JAZF1: variants seen among roughly 807,000 people sequenced by gnomAD.
The protein encoded by JAZF1 is juxtaposed with another zinc finger protein 1.
A neutral mutation model predicts 26.4 loss-of-function variants in JAZF1; 8 were observed. That is an observed-to-expected ratio of 0.30 (90% confidence interval 0.18 to 0.55). The LOEUF is 0.55. Ranked by LOEUF, JAZF1 falls within the 20% of genes least tolerant of loss-of-function variation. The pLI is 0.94. For synonymous variants in JAZF1, 126 were observed against 122.3 expected, an observed-to-expected ratio of 1.03 and a Z score of -0.20; for missense variants, 199 against 322.0, an observed-to-expected ratio of 0.62 and a Z score of 2.92.
chr7:28,106,458 C>T lies in JAZF1; in HGVS notation c.115+74005G>A, dbSNP rs113958755. ...GAACTCAAGTGTTACAAGACAACAG[C>T]GAGTTCTAGGGAGACACAGGATCTG... On this transcript the variant is annotated intron_variant, in intron 1 of 4. Coordinates refer to ENST00000283928, the MANE Select transcript of JAZF1 (RefSeq NM_175061.4). Among the ~76,000 whole-genome samples, 42 of 152,238 alleles carry T rather than the reference C, an allele frequency of 2.8e-4. 1 individual carries two copies. The highest frequency in any genetic ancestry group is 9.6e-4 in the African/African-American group (40 of 41,544).
Position 27,832,321 on chromosome 7 carries a change from TACTA to T in JAZF1, c.*475_*478del, listed in dbSNP as rs780761782. 9.3e-5 allele frequency: 20 copies of T among 215,536 alleles called. No individual in the cohort carries two copies. Among genetic ancestry groups the T allele is most frequent in the Admixed American group, 8.8e-4 (15 of 17,118 alleles). 13.4% of individuals were successfully genotyped at this position (215,536 alleles called of 1,614,324 possible). A position where few individuals can be genotyped will look rare whatever the true frequency, so the allele number is the denominator to read the frequency against. ...TACCTAAAGTCTTTCTACTCACAAA[TACTA>T]ACTCCATTATGTAAGGCATGGTAAC... On this transcript the variant is annotated 3_prime_UTR_variant, in exon 5 of 5. Transcript: ENST00000283928.
At chr7:27,961,524 A>C (rs933555280) in intron 2 of JAZF1, among the ~76,000 whole-genome samples, 5 of 152,196 alleles carry the variant, frequency 3.3e-5, no homozygotes, top group African/African-American at 1.2e-4. Context: ...TTGTCACCAC[A>C]CATATGCCCA....
At chr7:28,091,188 A>T (rs920136902) in intron 1 of JAZF1, among the ~76,000 whole-genome samples, 4 of 152,044 alleles carry the variant, frequency 2.6e-5, no homozygotes, top group Non-Finnish European at 5.9e-5. Flanking sequence ...TAATTATATC[A>T]GGGGAAATAA....
intron 1 of JAZF1, among the ~76,000 whole-genome samples, chr7:28,019,683 T>C (rs187025005): frequency 6.6e-6 from 1 of 152,282 alleles, no homozygotes; most frequent in East Asian, 1.9e-4. Context: ...TAGGTCTCTG[T>C]ATTATTCACA....
At chr7:27,996,111 T>C (rs1786010264) in intron 1 of JAZF1, among the ~76,000 whole-genome samples, 1 of 152,188 alleles carries the variant, frequency 6.6e-6, no homozygotes, top group African/African-American at 2.4e-5. Flanking sequence ...TCTTGTCAAG[T>C]CTAAACGAAA....
intron 2 of JAZF1, among the ~76,000 whole-genome samples, chr7:27,949,281 T>C (rs1055774209): frequency 6.6e-6 from 1 of 152,234 alleles, no homozygotes; most frequent in African/African-American, 2.4e-5. Flanking sequence ...CTGATCATGC[T>C]GTTCCTTGGG....
At chr7:27,837,359 C>T (rs539249128) in intron 4 of JAZF1, among the ~76,000 whole-genome samples, 72 of 152,310 alleles carry the variant, frequency 4.7e-4, no homozygotes, top group Middle Eastern at 6.8e-3. Flanking sequence ...TGGCCTGGAA[C>T]GCCTCTGGGA....
intron 1 of JAZF1, among the ~76,000 whole-genome samples, chr7:28,003,096 T>C (rs934322412): frequency 6.6e-6 from 1 of 152,130 alleles, no homozygotes; most frequent in African/African-American, 2.4e-5. Context: ...GGTTTTTCAA[T>C]TACATGAAGT....
chr7:28,092,722 T>C (rs1583556048), intron 1 of JAZF1, among the ~76,000 whole-genome samples: 1 of 151,762 alleles, frequency 6.6e-6, no homozygotes. Context: ...TAGCTGAGTG[T>C]AGTGACTTGT....
intron 1 of JAZF1, among the ~76,000 whole-genome samples, chr7:28,083,534 T>C (rs1784169181): frequency 6.6e-6 from 1 of 152,080 alleles, no homozygotes; most frequent in South Asian, 2.1e-4. Context: ...TGCAAAGCTG[T>C]AAGAGCACGA....
At chr7:28,158,119 G>C (rs1416896297) in intron 1 of JAZF1, among the ~76,000 whole-genome samples, 1 of 151,680 alleles carries the variant, frequency 6.6e-6, no homozygotes, top group Admixed American at 6.6e-5. Context: ...TGGGCCTAGG[G>C]AGAAAGGAGA....
chr7:27,895,143 C>CT (rs1316863297), intron 3 of JAZF1, 77 bp downstream of exon 3: 4 of 955,798 alleles, frequency 4.2e-6, no homozygotes, highest in Non-Finnish European at 6.0e-6. Flanking sequence ...CAGCCCCTTT[C>CT]TGCCCCCAGC....
At chr7:27,986,306 C>T (rs1004326922) in intron 2 of JAZF1, among the ~76,000 whole-genome samples, 2 of 152,120 alleles carry the variant, frequency 1.3e-5, no homozygotes, top group African/African-American at 4.8e-5. Context: ...ACAAGCATTC[C>T]TATACACCAA....
intron 1 of JAZF1, among the ~76,000 whole-genome samples, chr7:28,150,225 G>A (rs1036986138): frequency 4.6e-5 from 7 of 152,126 alleles, no homozygotes; most frequent in Non-Finnish European, 8.8e-5. Flanking sequence ...CTGTCATCTT[G>A]TCAAAGGTGG....
intron 2 of JAZF1, among the ~76,000 whole-genome samples, chr7:27,938,278 G>A (rs1027759536): frequency 6.6e-6 from 1 of 152,096 alleles, no homozygotes; most frequent in African/African-American, 2.4e-5. Context: ...AGGTTATATT[G>A]TATCCAGGAG....
In JAZF1 at chr7:28,070,217, GA is replaced by G. The variant is rs538316652; in HGVS notation, c.116-78237del. Among the ~76,000 whole-genome samples, 22 of 152,282 alleles carry G rather than the reference GA, an allele frequency of 1.4e-4. No individual in the cohort carries two copies. The South Asian group carries it at 4.4e-3, about 30-fold the overall frequency. ...TGTAATCTCTCCCATTGTGTTTAGA[GA>G]AATTTTTCTTTCTTCAAGACTTCAT... On this transcript the variant is annotated intron_variant, in intron 1 of 4. Coordinates refer to ENST00000283928, the MANE Select transcript of JAZF1 (RefSeq NM_175061.4).
chr7:28,164,885 C>A (rs940135624), intron 1 of JAZF1, among the ~76,000 whole-genome samples: 1 of 152,120 alleles, frequency 6.6e-6, no homozygotes, highest in African/African-American at 2.4e-5. Context: ...ATACAACACA[C>A]TTGGCTCGGC....
At chr7:28,066,413 C>A (rs957075821) in intron 1 of JAZF1, among the ~76,000 whole-genome samples, 5 of 151,788 alleles carry the variant, frequency 3.3e-5, no homozygotes, top group African/African-American at 1.2e-4. Context: ...ACCAGCCTGG[C>A]CAGCATGGTA....
intron 2 of JAZF1, among the ~76,000 whole-genome samples, chr7:27,942,553 A>C (rs1403589942): frequency 6.6e-6 from 1 of 152,232 alleles, no homozygotes; most frequent in African/African-American, 2.4e-5. Flanking sequence ...TACTCTTAGC[A>C]TATTCCCTCT....
Sources: gnomAD v4.1 joint callset for allele counts (sites outside exome capture counted in the v4.1 genomes callset) on GRCh38, gnomAD v4.1.1 for gene constraint, MANE v1.5 for transcripts, NCBI Gene and HGNC (gene_info 2026-07-23, HGNC 2026-07-21) for gene names.